Variants in RSRC1 observed in about 807,000 individuals in gnomAD.
The protein encoded by RSRC1 is serine/Arginine-related protein 53.
Under a neutral mutation model 49.1 loss-of-function variants are expected in RSRC1, and 39 were observed. The observed-to-expected ratio is 0.79, with a 90% CI of 0.61 to 1.04. The LOEUF is 1.04. Ranked by LOEUF, RSRC1 falls within the 50% of genes least tolerant of loss-of-function variation. The probability of loss-of-function intolerance (pLI) is 0.00; values close to 1 mark genes in which losing one functional copy is unlikely to be tolerated. For synonymous variants in RSRC1, 143 were observed against 130.8 expected (o/e 1.09, Z -0.63); for missense variants, 388 against 402.4 (o/e 0.96, Z 0.31).
intron 7 of RSRC1, among the ~76,000 whole-genome samples, chr3:158,500,625 C>G (rs575879672): frequency 1.6e-4 from 25 of 152,184 alleles, no homozygotes; most frequent in African/African-American, 5.8e-4. Flanking sequence ...TCCATCTCTT[C>G]TAGGTTTTCT....
At chr3:158,166,409 T>G (rs1718541670) in intron 3 of RSRC1, among the ~76,000 whole-genome samples, 1 of 152,152 alleles carries the variant, frequency 6.6e-6, no homozygotes, top group Non-Finnish European at 1.5e-5. Context: ...TGGGAGGTTG[T>G]CAAGATATAT....
rs1740696915 is a variant in RSRC1, at chr3:158,518,148, A to ACATTTTTTTTT, written c.653-18944_653-18943insCATTTTTTTTT. Among the ~76,000 whole-genome samples the ACATTTTTTTTT allele has an allele frequency of 3.2e-4, 14 of 44,136 alleles. 1 individual carries two copies. Among genetic ancestry groups the ACATTTTTTTTT allele is most frequent in the African/African-American group, 2.0e-3 (13 of 6,502 alleles). 29.0% of individuals were successfully genotyped at this position (44,136 alleles called of 152,430 possible). A position where few individuals can be genotyped will look rare whatever the true frequency, so the allele number is the denominator to read the frequency against. ...TGTGTATATATATATATATATATAT[A>ACATTTTTTTTT]TTTTTTTTTTTTTTTTTTTTACTCC... is the stretch of plus-strand genomic sequence containing the variant. On this transcript the variant is annotated intron_variant, in intron 7 of 9. Transcript: ENST00000611884.
intron 6 of RSRC1, among the ~76,000 whole-genome samples, chr3:158,359,582 T>C (rs944264845): frequency 6.6e-6 from 1 of 152,084 alleles, no homozygotes; most frequent in Non-Finnish European, 1.5e-5. Context: ...CTTCCACAGC[T>C]GGCACCGGGA....
chr3:158,241,904 C>T (rs1419174387), intron 4 of RSRC1, among the ~76,000 whole-genome samples: 3 of 151,900 alleles, frequency 2.0e-5, no homozygotes, highest in Non-Finnish European at 2.9e-5. Context: ...TAATAAAATA[C>T]ACCCATTTAA....
intron 3 of RSRC1, among the ~76,000 whole-genome samples, chr3:158,196,009 A>C (rs1184331680): frequency 2.0e-5 from 3 of 152,090 alleles, no homozygotes; most frequent in African/African-American, 7.2e-5. Context: ...ATGAGCTTTA[A>C]AGTAGTTTTT....
At chr3:158,371,017 G>A (rs966133519) in intron 6 of RSRC1, among the ~76,000 whole-genome samples, 1 of 151,724 alleles carries the variant, frequency 6.6e-6, no homozygotes, top group African/African-American at 2.4e-5. Context: ...AATTTAATGT[G>A]CCTTCCTGTG....
At chr3:158,259,298 C>T (rs1433927534) in intron 4 of RSRC1, among the ~76,000 whole-genome samples, 2 of 152,118 alleles carry the variant, frequency 1.3e-5, no homozygotes, top group South Asian at 2.1e-4. Context: ...AGGGAGCACT[C>T]CAAGCCCAGT....
At chr3:158,515,832 A>G (rs1740490128) in intron 7 of RSRC1, among the ~76,000 whole-genome samples, 2 of 152,030 alleles carry the variant, frequency 1.3e-5, no homozygotes, top group African/African-American at 2.4e-5. Context: ...TTCCCTTCTT[A>G]CTTCATTTCA....
intron 6 of RSRC1, among the ~76,000 whole-genome samples, chr3:158,419,162 T>C (rs1342411564): frequency 6.6e-6 from 1 of 152,032 alleles, no homozygotes; most frequent in African/African-American, 2.4e-5. Context: ...TTTTAGCAAT[T>C]GTTAGAGTGT....
chr3:158,333,394 C>A (rs971668190), intron 5 of RSRC1, among the ~76,000 whole-genome samples: 1 of 152,018 alleles, frequency 6.6e-6, no homozygotes, highest in Non-Finnish European at 1.5e-5. Context: ...TGAAACATGC[C>A]CTCTATGCAA....
At chr3:158,438,292 T>G (rs1323399678) in intron 6 of RSRC1, among the ~76,000 whole-genome samples, 1 of 152,158 alleles carries the variant, frequency 6.6e-6, no homozygotes, top group Non-Finnish European at 1.5e-5. Context: ...TGCCAATGAC[T>G]TTCTTCACAG....
chr3:158,110,329 GTGTC>G (rs1714284162), intron 1 of RSRC1, 106 bp downstream of exon 1: 1 of 152,500 alleles, frequency 6.6e-6, no homozygotes, highest in African/African-American at 2.4e-5. Context: ...TTGCGGCTCA[GTGTC>G]TGTGGAGGGT....
At chr3:158,474,232 T>C (rs1738272006) in intron 7 of RSRC1, among the ~76,000 whole-genome samples, 1 of 152,098 alleles carries the variant, frequency 6.6e-6, no homozygotes, top group South Asian at 2.1e-4. Context: ...AAAGCAAATA[T>C]CTCAATAAGG....
chr3:158,446,089 A>G (rs1477460521), intron 6 of RSRC1, among the ~76,000 whole-genome samples: 1 of 152,130 alleles, frequency 6.6e-6, no homozygotes, highest in East Asian at 1.9e-4. Context: ...AACAAAATAG[A>G]TGATAAAATA....
At chr3:158,299,162 C>T (rs1425963773) in intron 5 of RSRC1, among the ~76,000 whole-genome samples, 1 of 151,858 alleles carries the variant, frequency 6.6e-6, no homozygotes, top group Non-Finnish European at 1.5e-5. Context: ...TTTCCTGAAC[C>T]ACTGTTTATA....
At chr3:158,136,393 A>G (rs1716379557) in intron 3 of RSRC1, among the ~76,000 whole-genome samples, 2 of 152,206 alleles carry the variant, frequency 1.3e-5, no homozygotes, top group African/African-American at 4.8e-5. Flanking sequence ...GAACAATTAC[A>G]TTGATGCTAT....
intron 4 of RSRC1, among the ~76,000 whole-genome samples, chr3:158,254,899 A>G (rs1362228003): frequency 2.6e-5 from 4 of 151,262 alleles, no homozygotes; most frequent in African/African-American, 7.3e-5. Flanking sequence ...TCCTCTACCC[A>G]CTTTTTGATG....
At chr3:158,110,592 T>G (rs1714316069) in intron 1 of RSRC1, 1 of 152,406 alleles carries the variant, frequency 6.6e-6, no homozygotes, top group South Asian at 2.1e-4. Context: ...TGGCGCTTCC[T>G]CACTAGCTCT....
At chr3:158,118,837 G>C (rs1715051892) in intron 1 of RSRC1, among the ~76,000 whole-genome samples, 1 of 152,136 alleles carries the variant, frequency 6.6e-6, no homozygotes, top group South Asian at 2.1e-4. Context: ...GATTGGGTGG[G>C]GGCCTGCCCT....
Sources: allele counts gnomAD v4.1 joint callset (sites outside exome capture counted in the v4.1 genomes callset), GRCh38; gene constraint gnomAD v4.1.1; transcripts MANE v1.5; gene names NCBI Gene and HGNC (gene_info 2026-07-23, HGNC 2026-07-21).